The following OXCT1 variants were observed in gnomAD, a reference collection of about 807,000 sequenced individuals.
OXCT1 encodes succinyl-CoA:3-ketoacid coenzyme A transferase 1, mitochondrial.
OXCT1 carries 27 observed loss-of-function variants against 69.6 expected under a neutral mutation model. That is an observed-to-expected ratio of 0.39 (90% CI 0.29 to 0.54). The LOEUF (loss-of-function observed/expected upper bound fraction) is 0.54. Ranked by LOEUF, OXCT1 falls within the 20% of genes least tolerant of loss-of-function variation. The pLI is 0.72. For missense variants in OXCT1, 437 were observed against 650.2 expected (o/e 0.67, Z 3.57); for synonymous variants, 202 against 217.8 (o/e 0.93, Z 0.64).
At chr5:41,753,179 C>T (rs1381461911) in intron 14 of OXCT1, among the ~76,000 whole-genome samples, 1 of 151,962 alleles carries the variant, frequency 6.6e-6, no homozygotes, top group Non-Finnish European at 1.5e-5. Context: ...CATGTCAATA[C>T]ATTCACCTGA....
chr5:41,780,009 TA>T (rs1465603907), intron 13 of OXCT1, among the ~76,000 whole-genome samples: 3 of 152,138 alleles, frequency 2.0e-5, no homozygotes, highest in Non-Finnish European at 1.5e-5. Context: ...AATGTAGAAC[TA>T]GTGTAACATT....
chr5:41,788,654 A>G (rs1407261587), intron 13 of OXCT1, among the ~76,000 whole-genome samples: 1 of 152,192 alleles, frequency 6.6e-6, no homozygotes, highest in Non-Finnish European at 1.5e-5. Flanking sequence ...TAAAACAGAT[A>G]AAGGAAAAAG....
intron 13 of OXCT1, among the ~76,000 whole-genome samples, chr5:41,763,608 A>G (rs182768734): frequency 5.9e-5 from 9 of 152,216 alleles, no homozygotes; most frequent in Non-Finnish European, 1.3e-4. Context: ...GCAACAAAAG[A>G]CACTAAAGCA....
chr5:41,822,418 C>T (rs1018102234), intron 7 of OXCT1, among the ~76,000 whole-genome samples: 16 of 152,142 alleles, frequency 1.1e-4, no homozygotes, highest in African/African-American at 3.9e-4. Context: ...CTCTTTATCC[C>T]TAATAATTTT....
At chr5:41,744,334 A>T (rs1461741092) in intron 15 of OXCT1, among the ~76,000 whole-genome samples, 1 of 152,174 alleles carries the variant, frequency 6.6e-6, no homozygotes, top group Non-Finnish European at 1.5e-5. Context: ...GACTTTGCTG[A>T]AGTTGCTTAT....
At chr5:41,854,210 T>A (rs1262485333) in intron 3 of OXCT1, among the ~76,000 whole-genome samples, 1 of 151,816 alleles carries the variant, frequency 6.6e-6, no homozygotes, top group Non-Finnish European at 1.5e-5. Context: ...CAGTGAAGAG[T>A]GTTAAGTGGA....
intron 1 of OXCT1, among the ~76,000 whole-genome samples, chr5:41,869,659 C>A (rs1009080405): frequency 6.6e-6 from 1 of 152,200 alleles, no homozygotes; most frequent in Non-Finnish European, 1.5e-5. Flanking sequence ...GATGGTTTCC[C>A]AGCTTGGCCG....
chr5:41,740,422 A>C (rs920117498), intron 15 of OXCT1, among the ~76,000 whole-genome samples: 3 of 152,180 alleles, frequency 2.0e-5, no homozygotes, highest in Non-Finnish European at 2.9e-5. Context: ...AAATCAAATG[A>C]AGATGCTTAT....
At chr5:41,735,170 G>A (rs374813617) in intron 16 of OXCT1, among the ~76,000 whole-genome samples, 2 of 152,198 alleles carry the variant, frequency 1.3e-5, no homozygotes, top group Non-Finnish European at 2.9e-5. Context: ...ACTATTCACA[G>A]TAGCCAAGTG....
At chr5:41,781,606 C>G (rs978695228) in intron 13 of OXCT1, among the ~76,000 whole-genome samples, 2 of 152,076 alleles carry the variant, frequency 1.3e-5, no homozygotes, top group African/African-American at 2.4e-5. Context: ...TACTCTCGCT[C>G]CCCCCATACC....
intron 13 of OXCT1, among the ~76,000 whole-genome samples, chr5:41,784,182 A>G (rs1745542885): frequency 6.6e-6 from 1 of 152,212 alleles, no homozygotes; most frequent in Non-Finnish European, 1.5e-5. Flanking sequence ...AATTTTATAA[A>G]CATTCTTTGT....
chr5:41,757,810 C>G (rs1354272077), intron 14 of OXCT1, among the ~76,000 whole-genome samples: 1 of 151,946 alleles, frequency 6.6e-6, no homozygotes, highest in Non-Finnish European at 1.5e-5. Context: ...CACCATGATG[C>G]CTTTCTGTAG....
chr5:41,800,163 C>T (rs1561086337), intron 11 of OXCT1, among the ~76,000 whole-genome samples: 1 of 152,050 alleles, frequency 6.6e-6, no homozygotes, highest in Non-Finnish European at 1.5e-5. Flanking sequence ...GAGGCTACAT[C>T]TCAGTCAAAG....
rs1158119048 is a variant in OXCT1 at position 41,837,762 on chromosome 5, T to C, written c.732+2689A>G. ...GATAACATGGAAGCATTTCATTACA[T>C]AATGGAAAAGAGTAGACAGCCTGGA... On this transcript the variant is annotated intron_variant, in intron 7 of 16. Coordinates refer to ENST00000196371, the MANE Select transcript of OXCT1 (RefSeq NM_000436.4). Among the ~76,000 whole-genome samples, 8 of 152,092 alleles carry C rather than the reference T, an allele frequency of 5.3e-5. No individual in the cohort carries two copies. In the East Asian group the frequency reaches 1.3e-3, roughly 26 times the overall value.
intron 11 of OXCT1, among the ~76,000 whole-genome samples, chr5:41,798,989 T>A (rs1476444753): frequency 6.6e-6 from 1 of 152,204 alleles, no homozygotes; most frequent in East Asian, 1.9e-4. Context: ...TATAACAAGG[T>A]TTCATTTGAG....
At chr5:41,832,962 G>A (rs1441794222) in intron 7 of OXCT1, among the ~76,000 whole-genome samples, 1 of 152,062 alleles carries the variant, frequency 6.6e-6, no homozygotes, top group African/African-American at 2.4e-5. Flanking sequence ...ACAGTCAGAG[G>A]AGACAAAAGA....
intron 7 of OXCT1, among the ~76,000 whole-genome samples, chr5:41,837,676 A>T (rs1748437760): frequency 6.6e-6 from 1 of 152,126 alleles, no homozygotes; most frequent in Non-Finnish European, 1.5e-5. Context: ...AATAGTTAGC[A>T]ATGAAATGGA....
chr5:41,834,859 G>A (rs1173691622), intron 7 of OXCT1, among the ~76,000 whole-genome samples: 2 of 152,100 alleles, frequency 1.3e-5, no homozygotes, highest in Non-Finnish European at 2.9e-5. Flanking sequence ...AAATTACTAA[G>A]AGGAAAATTT....
At chr5:41,838,372 G>A (rs993513233) in intron 7 of OXCT1, among the ~76,000 whole-genome samples, 1 of 152,110 alleles carries the variant, frequency 6.6e-6, no homozygotes, top group Non-Finnish European at 1.5e-5. Context: ...TTTCTACTAT[G>A]TATACTATAT....
Sources: allele counts gnomAD v4.1 joint callset (sites outside exome capture counted in the v4.1 genomes callset), GRCh38; gene constraint gnomAD v4.1.1; transcripts MANE v1.5; gene names NCBI Gene and HGNC (gene_info 2026-07-23, HGNC 2026-07-21).